The following TUSC3 variants were observed in gnomAD, a reference collection of about 807,000 sequenced individuals.
TUSC3 encodes the protein dolichyl-diphosphooligosaccharide--protein glycosyltransferase subunit TUSC3.
A neutral mutation model predicts 44.8 loss-of-function variants in TUSC3; 45 were observed. That is an observed-to-expected ratio of 1.00 (90% CI 0.79 to 1.29). The LOEUF is 1.29. Ranked by LOEUF, TUSC3 falls within the 50% of genes most tolerant of loss-of-function variation. TUSC3 has a pLI of 0.00. For synonymous variants in TUSC3, 212 were observed against 152.9 expected, an observed-to-expected ratio of 1.39 and a Z score of -2.85; for missense variants, 519 against 437.9, an observed-to-expected ratio of 1.19 and a Z score of -1.65.
rs542160500 is a variant in TUSC3 at position 15,504,443 on chromosome 8, C to G, written n.189+20960C>G. Among the ~76,000 whole-genome samples, 246 of 151,648 alleles carry G rather than the reference C, an allele frequency of 1.6e-3. 1 individual carries two copies. The highest frequency in any genetic ancestry group is 5.8e-3 in the African/African-American group (239 of 41,352). ...GGAAAGTTGTTGTTAGTATTAGTTA[C>G]CATCATTATCATTAACATCAGTTCA... On this transcript the variant is annotated intron_variant and non_coding_transcript_variant, in intron 2 of 5. Transcript: ENST00000503191.
the TUSC3 span, among the ~76,000 whole-genome samples, chr8:15,843,621 T>TATATATATATATATACACACACAC: frequency 3.4e-5 from 5 of 146,734 alleles, no homozygotes; most frequent in African/African-American, 1.3e-4. Context: ...TATATATATA[T>TATATATATATATATACACACACAC]ACACGCACAT....
In TUSC3 at chr8:15,621,519, A is replaced by AAT. The variant is rs367620935; in HGVS notation, c.139-1545_139-1544dup. Among the ~76,000 whole-genome samples the AAT allele has an allele frequency of 9.2e-3, 1,341 of 146,318 alleles. 17 individuals are homozygous for AAT. Among genetic ancestry groups the AAT allele is most frequent in the African/African-American group, 0.029 (1,188 of 40,300 alleles). On this transcript the variant is annotated intron_variant, in intron 1 of 10. Coordinates refer to ENST00000503731, the MANE Select transcript of TUSC3 (RefSeq NM_006765.4). ...ATAAAATACACATAAATATATGTAA[A>AAT]ATATATATATATATATAAAGTATAT...
intron 2 of TUSC3, among the ~76,000 whole-genome samples, chr8:15,646,634 C>G (rs1585188860): frequency 1.3e-5 from 2 of 151,938 alleles, no homozygotes; most frequent in East Asian, 3.9e-4. Context: ...CCTCTTAAAA[C>G]ATAATATTTT....
At chr8:15,472,085 C>A (rs1166868898) in intron 1 of TUSC3, among the ~76,000 whole-genome samples, 1 of 152,140 alleles carries the variant, frequency 6.6e-6, no homozygotes, top group Admixed American at 6.5e-5. Context: ...CATAAATAAT[C>A]CTTAGCTTTG....
At chr8:15,566,742 GTCT>G (rs1219576347) in intron 1 of TUSC3, among the ~76,000 whole-genome samples, 1 of 151,870 alleles carries the variant, frequency 6.6e-6, no homozygotes, top group East Asian at 1.9e-4. Context: ...TCCCGCGTTA[GTCT>G]CCTAAGTAGC....
At chr8:15,498,741 T>C (rs1192411349) in intron 2 of TUSC3, among the ~76,000 whole-genome samples, 2 of 152,220 alleles carry the variant, frequency 1.3e-5, no homozygotes, top group Admixed American at 6.5e-5. Flanking sequence ...GTTTGTTTCC[T>C]TTCCTTGAAA....
At chr8:15,747,590 A>G (rs1411404169) in intron 8 of TUSC3, among the ~76,000 whole-genome samples, 4 of 151,724 alleles carry the variant, frequency 2.6e-5, no homozygotes, top group African/African-American at 9.7e-5. Context: ...CAAAAGAAAC[A>G]TATTTTATTA....
At chr8:15,659,381 T>C (rs1807319195) in intron 3 of TUSC3, 126 bp from the exon 4 acceptor site, 1 of 1,219,592 alleles carries the variant, frequency 8.2e-7, no homozygotes, top group African/African-American at 1.5e-5. Context: ...GAAATTTACC[T>C]CTGGAAAACC....
intron 2 of TUSC3, among the ~76,000 whole-genome samples, chr8:15,627,687 G>A (rs986892127): frequency 3.9e-5 from 6 of 152,194 alleles, no homozygotes; most frequent in East Asian, 3.9e-4. Flanking sequence ...AGTGCTGGCC[G>A]GGGAAGCTGC....
intron 6 of TUSC3, among the ~76,000 whole-genome samples, chr8:15,706,326 A>T (rs1207807788): frequency 1.3e-5 from 2 of 152,038 alleles, no homozygotes; most frequent in African/African-American, 4.8e-5. Flanking sequence ...AGGAAAAGAA[A>T]GTGTTATCTT....
chr8:15,756,820 G>GCT (rs1215096127), intron 9 of TUSC3, among the ~76,000 whole-genome samples: 1 of 151,902 alleles, frequency 6.6e-6, no homozygotes, highest in African/African-American at 2.4e-5. Flanking sequence ...TGGAAAAATA[G>GCT]TTAGTTATTC....
At chr8:15,739,662 G>T (rs1298739717) in intron 7 of TUSC3, among the ~76,000 whole-genome samples, 1 of 152,098 alleles carries the variant, frequency 6.6e-6, no homozygotes. Flanking sequence ...GTAAAATCTG[G>T]AATATGTTTA....
rs1021223857 is a variant in TUSC3, at chr8:15,765,651, T to C, written c.*1495T>C. The C allele has an allele frequency of 6.6e-6, 1 of 152,060 alleles. No homozygotes were observed. Among genetic ancestry groups the C allele is most frequent in the Non-Finnish European group, 1.5e-5 (1 of 67,956 alleles). 9.4% of individuals were successfully genotyped at this position (152,060 alleles called of 1,614,324 possible). A position where few individuals can be genotyped will look rare whatever the true frequency, so the allele number is the denominator to read the frequency against. The stretch of plus-strand genomic sequence containing the variant: ...AAATTACGTAATAATTGTAAGTTTA[T>C]AATCATACTCCCAAATCTGTTACTA... On this transcript the variant is annotated 3_prime_UTR_variant, in exon 11 of 11. Transcript: ENST00000503731.
At chr8:15,650,674 C>G (rs780306764) in intron 2 of TUSC3, 23 bp from the exon 3 acceptor site, 1 of 1,602,792 alleles carries the variant, frequency 6.2e-7, no homozygotes, top group Non-Finnish European at 8.5e-7. Context: ...TGTGTTTCTA[C>G]TATGGCCCAT....
intron 1 of TUSC3, among the ~76,000 whole-genome samples, chr8:15,420,689 C>T (rs1378714240): frequency 6.6e-6 from 1 of 152,004 alleles, no homozygotes; most frequent in Non-Finnish European, 1.5e-5. Context: ...TTCTCTTTCC[C>T]ACTCCTACAA....
intron 2 of TUSC3, among the ~76,000 whole-genome samples, chr8:15,484,900 A>G (rs1043473496): frequency 7.9e-5 from 12 of 152,242 alleles, no homozygotes; most frequent in Non-Finnish European, 1.8e-4. Flanking sequence ...CATTTAAAAC[A>G]GGAAATTGAG....
At position 15,582,078 on chromosome 8, in the gene TUSC3, G is replaced by GC. The variant is rs577249301; in HGVS notation, c.139-41001dup. 2.8e-4 allele frequency among the ~76,000 whole-genome samples: 42 copies of GC among 152,090 alleles called. No homozygotes were observed. In the South Asian group the frequency reaches 5.4e-3, roughly 20 times the overall value. ...GTGGCAGTGACCCGATTTTCCAGGT[G>GC]CGTCTGTCACCCCTTTCTTTGACTC... On this transcript the variant is annotated intron_variant, in intron 1 of 10. Coordinates refer to ENST00000503731, the MANE Select transcript of TUSC3 (RefSeq NM_006765.4).
intron 1 of TUSC3, among the ~76,000 whole-genome samples, chr8:15,430,589 C>T (rs1799861545): frequency 6.6e-6 from 1 of 151,410 alleles, no homozygotes; most frequent in African/African-American, 2.5e-5. Flanking sequence ...TGCCCTCTCT[C>T]ACCACTCCTA....
At chr8:15,511,456 C>G (rs1157067453) in intron 2 of TUSC3, among the ~76,000 whole-genome samples, 1 of 152,048 alleles carries the variant, frequency 6.6e-6, no homozygotes, top group Non-Finnish European at 1.5e-5. Flanking sequence ...AGTCAATATA[C>G]AAAAATGTAT....
Sources: gnomAD v4.1 joint callset for allele counts (sites outside exome capture counted in the v4.1 genomes callset) on GRCh38, gnomAD v4.1.1 for gene constraint, MANE v1.5 for transcripts, NCBI Gene and HGNC (gene_info 2026-07-23, HGNC 2026-07-21) for gene names.